Variants in GRM8 observed in about 807,000 individuals in gnomAD.
GRM8 encodes the protein metabotropic glutamate receptor 8.
A neutral mutation model predicts 87.2 loss-of-function variants in GRM8; 47 were observed. That is an observed-to-expected ratio of 0.54 (90% CI 0.43 to 0.69). The LOEUF (loss-of-function observed/expected upper bound fraction) is 0.69, where lower values mean the gene tolerates loss of function less well. Among genes scored for constraint, GRM8 ranks in the 30% least tolerant of loss-of-function variants. The probability of loss-of-function intolerance (pLI) is 0.00; values close to 1 mark genes in which losing one functional copy is unlikely to be tolerated. For synonymous variants in GRM8, 396 were observed against 404.5 expected, an observed-to-expected ratio of 0.98 and a Z score of 0.25; for missense variants, 1,019 against 1,139.2, an observed-to-expected ratio of 0.89 and a Z score of 1.52.
chr7:126,717,106 T>C (rs1811845182), intron 7 of GRM8, among the ~76,000 whole-genome samples: 2 of 152,168 alleles, frequency 1.3e-5, no homozygotes, highest in South Asian at 4.1e-4. Flanking sequence ...TTTGTGAGAT[T>C]TGGGCATCTA....
intron 3 of GRM8, among the ~76,000 whole-genome samples, chr7:127,043,292 G>A (rs2132420262): frequency 6.6e-6 from 1 of 152,282 alleles, no homozygotes; most frequent in East Asian, 1.9e-4. Context: ...TATAAATCAT[G>A]CTGCTCTAAA....
intron 3 of GRM8, among the ~76,000 whole-genome samples, chr7:126,920,932 C>A (rs1384289038): frequency 1.3e-5 from 2 of 151,104 alleles, no homozygotes; most frequent in African/African-American, 2.4e-5. Context: ...TGGATGTTTC[C>A]CAACTAAATG....
chr7:126,876,202 T>C (rs1173101532), intron 6 of GRM8, among the ~76,000 whole-genome samples: 1 of 152,184 alleles, frequency 6.6e-6, no homozygotes, highest in East Asian at 1.9e-4. Flanking sequence ...CCCAGAACAA[T>C]TTCTTGAGGC....
chr7:126,648,371 A>G (rs567338684), intron 7 of GRM8, among the ~76,000 whole-genome samples: 1 of 152,206 alleles, frequency 6.6e-6, no homozygotes, highest in African/African-American at 2.4e-5. Flanking sequence ...AAGAAATGAC[A>G]ATTGTTCTAT....
At chr7:126,653,770 A>T (rs994691456) in intron 7 of GRM8, among the ~76,000 whole-genome samples, 2 of 152,232 alleles carry the variant, frequency 1.3e-5, no homozygotes, top group South Asian at 2.1e-4. Flanking sequence ...TCAGTTCAAT[A>T]GTGTTGTTTT....
chr7:126,901,107 C>T (rs1423806029), intron 6 of GRM8, among the ~76,000 whole-genome samples: 2 of 152,128 alleles, frequency 1.3e-5, no homozygotes, highest in East Asian at 1.9e-4. Flanking sequence ...CGCTTCCTCT[C>T]GCGATATTCA....
chr7:126,562,686 G>A (rs980482309), intron 8 of GRM8, among the ~76,000 whole-genome samples: 5 of 152,150 alleles, frequency 3.3e-5, no homozygotes, highest in African/African-American at 1.2e-4. Context: ...CCTGAGGTTG[G>A]GAGTTCGAGA....
At chr7:126,630,662 C>T (rs531975488) in intron 7 of GRM8, among the ~76,000 whole-genome samples, 1 of 152,192 alleles carries the variant, frequency 6.6e-6, no homozygotes, top group East Asian at 1.9e-4. Flanking sequence ...TCCAGCAGCA[C>T]ACACAAAAGT....
chr7:126,469,111 T>C (rs986645378), intron 9 of GRM8, among the ~76,000 whole-genome samples: 2 of 152,126 alleles, frequency 1.3e-5, no homozygotes, highest in African/African-American at 4.8e-5. Flanking sequence ...CTTCACCTAA[T>C]AAAGGACACA....
intron 3 of GRM8, among the ~76,000 whole-genome samples, chr7:127,078,757 T>C (rs1188665815): frequency 6.6e-6 from 1 of 152,242 alleles, no homozygotes. Context: ...TAACAGCCTA[T>C]CTAAATATTG....
At chr7:126,766,178 C>T (rs1818174650) in intron 7 of GRM8, among the ~76,000 whole-genome samples, 1 of 151,920 alleles carries the variant, frequency 6.6e-6, no homozygotes, top group African/African-American at 2.4e-5. Flanking sequence ...GTAAGCATAC[C>T]ACATACCTGG....
chr7:126,903,852 G>A (rs1294177667), intron 5 of GRM8, 120 bp downstream of exon 5: 3 of 489,494 alleles, frequency 6.1e-6, no homozygotes, highest in Admixed American at 3.5e-5. Flanking sequence ...TGCCACCAAA[G>A]CTAAAATTTG....
At chr7:126,900,291 C>T (rs1416125695) in intron 6 of GRM8, among the ~76,000 whole-genome samples, 2 of 152,092 alleles carry the variant, frequency 1.3e-5, no homozygotes, top group Admixed American at 6.6e-5. Flanking sequence ...TTTATATTTC[C>T]TCTGTTAACT....
intron 9 of GRM8, among the ~76,000 whole-genome samples, chr7:126,524,104 G>GGA (rs1813463287): frequency 6.6e-6 from 1 of 152,030 alleles, no homozygotes; most frequent in African/African-American, 2.4e-5. Flanking sequence ...AAAGGATTAT[G>GGA]GATATATATG....
chr7:126,976,920 T>G (rs1301769146), intron 3 of GRM8, among the ~76,000 whole-genome samples: 1 of 151,344 alleles, frequency 6.6e-6, no homozygotes, highest in African/African-American at 2.4e-5. Context: ...TTTTTACAGA[T>G]TTTACCTTGA....
chr7:127,139,192 CTG>C lies in GRM8; in HGVS notation c.511-32482_511-32481del, dbSNP rs1475121446. Among the ~76,000 whole-genome samples, 4 of 152,256 alleles carry C rather than the reference CTG, an allele frequency of 2.6e-5. No homozygotes were observed. The South Asian group carries it at 6.2e-4, about 24-fold the overall frequency. ...ACAATGTGTTCTCATAGTTTCATGA[CTG>C]TAAGTTATCCAGAAACTTCTCCCAT... On this transcript the variant is annotated intron_variant, in intron 2 of 10. Coordinates refer to ENST00000339582, the MANE Select transcript of GRM8 (RefSeq NM_000845.3).
intron 3 of GRM8, among the ~76,000 whole-genome samples, chr7:126,916,299 G>C (rs1803895399): frequency 2.0e-5 from 3 of 152,200 alleles, no homozygotes; most frequent in East Asian, 3.8e-4. Flanking sequence ...TCTAAGTCTA[G>C]TGAAGCCTGA....
intron 3 of GRM8, among the ~76,000 whole-genome samples, chr7:126,990,809 T>C (rs999616809): frequency 1.4e-4 from 22 of 152,232 alleles, no homozygotes; most frequent in African/African-American, 4.6e-4. Flanking sequence ...GCACAAAGCA[T>C]TTCTCTCAAA....
At chr7:126,504,124 T>G (rs1309387177) in intron 9 of GRM8, among the ~76,000 whole-genome samples, 1 of 152,016 alleles carries the variant, frequency 6.6e-6, no homozygotes, top group East Asian at 1.9e-4. Flanking sequence ...TTTGATAATA[T>G]CTGGGTGAGA....
Sources: gnomAD v4.1 joint callset for allele counts (sites outside exome capture counted in the v4.1 genomes callset) on GRCh38, gnomAD v4.1.1 for gene constraint, MANE v1.5 for transcripts, NCBI Gene and HGNC (gene_info 2026-07-23, HGNC 2026-07-21) for gene names.